The following FNDC3B variants were observed in gnomAD, a reference collection of about 807,000 sequenced individuals.
FNDC3B encodes the protein fibronectin type III domain containing 3B.
In FNDC3B, 12 loss-of-function variants were observed where a neutral mutation model predicts 151.5. That is an observed-to-expected ratio of 0.08 (90% CI 0.05 to 0.13). FNDC3B has a LOEUF of 0.13. FNDC3B is among the 10% of genes least tolerant of loss of function. The probability of loss-of-function intolerance (pLI) is 1.00; values close to 1 mark genes in which losing one functional copy is unlikely to be tolerated. For synonymous variants in FNDC3B, 528 were observed against 549.0 expected (o/e 0.96, Z 0.54); for missense variants, 1,214 against 1,505.3 (o/e 0.81, Z 3.20).
At chr3:172,185,163 TC>T (rs1186696593) in intron 3 of FNDC3B, among the ~76,000 whole-genome samples, 1 of 152,220 alleles carries the variant, frequency 6.6e-6, no homozygotes, top group Non-Finnish European at 1.5e-5. Context: ...CACTCCATCA[TC>T]CATTTGGTTT....
chr3:172,165,942 T>C (rs985055086), intron 3 of FNDC3B, among the ~76,000 whole-genome samples: 2 of 152,234 alleles, frequency 1.3e-5, no homozygotes, highest in Non-Finnish European at 2.9e-5. Context: ...GAGTGTTTCA[T>C]TTTGTTCTTT....
In FNDC3B at chr3:172,352,079, T is replaced by TA. The variant is rs1352956538; in HGVS notation, c.2515-723dup. On this transcript the variant is annotated intron_variant, in intron 21 of 25. Transcript: ENST00000415807. This position sits in a 1 kb window ranked among gnomAD's most constrained non-coding sequence, Gnocchi z 4.2. ...AGGTAGAAAAGAGGAGGTACCGAAGTACTGAGGGCTGATACTCACCAGCGT... is the reference window on the plus strand; with the variant it reads ...AGGTAGAAAAGAGGAGGTACCGAAGTAACTGAGGGCTGATACTCACCAGCGT... 6.6e-6 allele frequency among the ~76,000 whole-genome samples: 1 copy of TA among 152,072 alleles called. No individual in the cohort carries two copies. Among genetic ancestry groups the TA allele is most frequent in the African/African-American group, 2.4e-5 (1 of 41,422 alleles).
At chr3:172,331,528 T>C (rs941407363) in intron 13 of FNDC3B, among the ~76,000 whole-genome samples, 3 of 152,034 alleles carry the variant, frequency 2.0e-5, no homozygotes, top group Admixed American at 6.6e-5. Flanking sequence ...CGGCTAATTT[T>C]TTTTTGTATT....
chr3:172,262,126 G>A (rs964755592), intron 6 of FNDC3B, among the ~76,000 whole-genome samples: 1 of 152,164 alleles, frequency 6.6e-6, no homozygotes, highest in South Asian at 2.1e-4. Context: ...GCACACAGTG[G>A]GCAGGGATGA....
chr3:172,118,545 A>C (rs1720375369), intron 2 of FNDC3B, among the ~76,000 whole-genome samples: 1 of 152,244 alleles, frequency 6.6e-6, no homozygotes, highest in Admixed American at 6.5e-5. Context: ...TGGGAGTGAC[A>C]GTTAAAAAAG....
At chr3:172,342,792 C>T (rs1470964822) in intron 17 of FNDC3B, among the ~76,000 whole-genome samples, 1 of 152,180 alleles carries the variant, frequency 6.6e-6, no homozygotes, top group Non-Finnish European at 1.5e-5. Context: ...TTGTTTTTCC[C>T]AGTGCCATAT....
chr3:172,065,327 G>A (rs1560390511), intron 1 of FNDC3B, among the ~76,000 whole-genome samples: 4 of 152,200 alleles, frequency 2.6e-5, no homozygotes, highest in Admixed American at 1.3e-4. Context: ...GCTAGACTCC[G>A]ACTCAAAAGA....
At chr3:172,132,160 A>T (rs1721137512) in intron 2 of FNDC3B, among the ~76,000 whole-genome samples, 2 of 152,152 alleles carry the variant, frequency 1.3e-5, no homozygotes, top group South Asian at 4.1e-4. Context: ...GCTGAGAAGG[A>T]TGAATAGACG....
At position 172,335,002 on chromosome 3, in the gene FNDC3B, C is replaced by T. The variant is rs149280961; in HGVS notation, c.1700C>T (p.Thr567Met). ...CCAAGCGAAGTTCTTGTTTGTACGA[C>T]GAGTCCTGACAGGCCTGGACCTCCT... The part of the protein sequence containing the change: ...SCPSEVLVCT[T>M]SPDRPGPPTR... The change falls in exon 15 of 26, where the codon ACG becomes ATG. Residue 567 changes from threonine (T) to methionine (M), a missense_variant. By Grantham distance (81) the Thr-to-Met change is moderately conservative. Transcript: ENST00000415807. 5 of 1,613,684 alleles carry T rather than the reference C, an allele frequency of 3.1e-6. No individual in the cohort carries two copies. Among genetic ancestry groups the T allele is most frequent in the Admixed American group, 1.7e-5 (1 of 59,966 alleles).
intron 25 of FNDC3B, among the ~76,000 whole-genome samples, chr3:172,386,774 A>C (rs1735735255): frequency 6.6e-6 from 1 of 151,658 alleles, no homozygotes; most frequent in South Asian, 2.1e-4. Context: ...AAAAAAAAAA[A>C]ACCTCTGAAG....
intron 9 of FNDC3B, among the ~76,000 whole-genome samples, chr3:172,306,449 A>G (rs1731206232): frequency 6.6e-6 from 1 of 152,226 alleles, no homozygotes; most frequent in Non-Finnish European, 1.5e-5. Flanking sequence ...TAAGGGCTCA[A>G]TATCTATTTG....
At chr3:172,157,880 G>T (rs1268026855) in intron 3 of FNDC3B, among the ~76,000 whole-genome samples, 1 of 152,160 alleles carries the variant, frequency 6.6e-6, no homozygotes, top group Non-Finnish European at 1.5e-5. Flanking sequence ...AGAATGCATA[G>T]GTTAAAACTT....
intron 1 of FNDC3B, among the ~76,000 whole-genome samples, chr3:172,087,748 C>T (rs1235815872): frequency 6.6e-6 from 1 of 152,116 alleles, no homozygotes; most frequent in African/African-American, 2.4e-5. Flanking sequence ...AAAATTAATG[C>T]TGATGTACAA....
intron 15 of FNDC3B, 23 bp downstream of exon 15, chr3:172,335,105 C>CTT (rs778120922): frequency 7.7e-6 from 11 of 1,434,966 alleles, no homozygotes; most frequent in East Asian, 2.6e-5. Context: ...GCTGCTGCTA[C>CTT]TGTTTTTTTT....
At chr3:172,152,818 G>A (rs1162176751) in intron 3 of FNDC3B, among the ~76,000 whole-genome samples, 1 of 152,110 alleles carries the variant, frequency 6.6e-6, no homozygotes, top group Non-Finnish European at 1.5e-5. Flanking sequence ...CCTTAATCAT[G>A]TTGGTTTACA....
intron 18 of FNDC3B, 79 bp from the exon 19 acceptor site, chr3:172,344,007 A>C: frequency 7.2e-7 from 1 of 1,380,776 alleles, no homozygotes; most frequent in Non-Finnish European, 1.0e-6. Flanking sequence ...TATTTTGCTC[A>C]ACTTGTGTGA....
intron 1 of FNDC3B, among the ~76,000 whole-genome samples, chr3:172,065,958 G>A (rs114254840): frequency 2.7e-4 from 41 of 152,288 alleles, no homozygotes; most frequent in African/African-American, 9.9e-4. Context: ...GTATGATTAT[G>A]TGGTTAATGT....
chr3:172,088,037 A>G (rs1458183129), intron 1 of FNDC3B, among the ~76,000 whole-genome samples: 1 of 152,184 alleles, frequency 6.6e-6, no homozygotes, highest in Non-Finnish European at 1.5e-5. Flanking sequence ...AGTAAGTCAT[A>G]TGCTTAGAAC....
At chr3:172,151,456 A>C in intron 3 of FNDC3B, among the ~76,000 whole-genome samples, 1 of 151,304 alleles carries the variant, frequency 6.6e-6, no homozygotes, top group African/African-American at 2.4e-5. Context: ...TCCACTCCCC[A>C]CTCCCCCAAC....
Sources: allele counts gnomAD v4.1 joint callset (sites outside exome capture counted in the v4.1 genomes callset), GRCh38; gene constraint gnomAD v4.1.1; non-coding constraint Gnocchi (gnomAD v3.1); transcripts MANE v1.5; gene names NCBI Gene and HGNC (gene_info 2026-07-23, HGNC 2026-07-21).